Variants in SGCG observed in about 807,000 individuals in gnomAD.
The protein encoded by SGCG is gamma-sarcoglycan.
In SGCG, 26 loss-of-function variants were observed where a neutral mutation model predicts 29.3. The ratio of observed to expected loss-of-function variants is 0.89; its 90% CI spans 0.65 to 1.23. The LOEUF (loss-of-function observed/expected upper bound fraction) is 1.23. SGCG is among the 50% of genes most tolerant of loss of function. The probability of loss-of-function intolerance (pLI) is 0.00; values close to 1 mark genes in which losing one functional copy is unlikely to be tolerated. For synonymous variants in SGCG, 145 were observed against 129.7 expected (o/e 1.12, Z -0.80); for missense variants, 353 against 356.0 (o/e 0.99, Z 0.07).
chr13:23,293,030 A>G (rs1395021689), intron 5 of SGCG, among the ~76,000 whole-genome samples: 1 of 152,216 alleles, frequency 6.6e-6, no homozygotes, highest in East Asian at 1.9e-4. Context: ...CAAGCAGGAA[A>G]TGTTGTCAAC....
chr13:23,202,011 T>G (rs768757121), intron 1 of SGCG, among the ~76,000 whole-genome samples: 3 of 152,210 alleles, frequency 2.0e-5, no homozygotes, highest in Non-Finnish European at 2.9e-5. Context: ...GCATGTGTGC[T>G]GCTACTGAAA....
chr13:23,221,266 G>C (rs193144584), intron 2 of SGCG, among the ~76,000 whole-genome samples: 1 of 152,138 alleles, frequency 6.6e-6, no homozygotes, highest in Admixed American at 6.5e-5. Context: ...AAATGGGTTT[G>C]ATATAATTAT....
intron 5 of SGCG, among the ~76,000 whole-genome samples, chr13:23,279,709 C>CCCTTCCTTCCTTCCTT (rs146797198): frequency 1.4e-4 from 21 of 148,142 alleles, no homozygotes; most frequent in African/African-American, 3.9e-4. Context: ...TACCCTTTGT[C>CCCTTCCTTCCTTCCTT]CCTTCCTTCC....
intron 3 of SGCG, chr13:23,244,606 A>C (rs1479160943): frequency 6.6e-6 from 1 of 152,188 alleles, no homozygotes; most frequent in Non-Finnish European, 1.5e-5. Flanking sequence ...CAGTGCGCAC[A>C]AGCACTGTAA....
chr13:23,168,348 A>C, the SGCG span, among the ~76,000 whole-genome samples: 1 of 152,206 alleles, frequency 6.6e-6, no homozygotes, highest in Non-Finnish European at 1.5e-5. Flanking sequence ...ATTTTCATAC[A>C]TACTGGCTGT....
intron 6 of SGCG, among the ~76,000 whole-genome samples, chr13:23,298,020 C>G (rs1261713711): frequency 6.7e-6 from 1 of 150,312 alleles, no homozygotes; most frequent in African/African-American, 2.4e-5. Flanking sequence ...GCTGGGATTA[C>G]AGGCATGAGC....
chr13:23,286,833 G>A (rs1881514842), intron 5 of SGCG, among the ~76,000 whole-genome samples: 1 of 152,196 alleles, frequency 6.6e-6, no homozygotes, highest in Non-Finnish European at 1.5e-5. Context: ...GATGACCCGA[G>A]GTGAATGATA....
chr13:23,279,244 A>G (rs1881207738), intron 4 of SGCG, 115 bp from the exon 5 acceptor site: 1 of 989,680 alleles, frequency 1.0e-6, no homozygotes, highest in Non-Finnish European at 1.6e-6. Context: ...TAATGGTAAC[A>G]AATACCAAGT....
intron 6 of SGCG, among the ~76,000 whole-genome samples, chr13:23,317,133 T>C (rs1882846410): frequency 6.6e-6 from 1 of 151,394 alleles, no homozygotes; most frequent in African/African-American, 2.4e-5. Context: ...AGGCAGAGCT[T>C]GTAGTGAGCC....
the SGCG span, among the ~76,000 whole-genome samples, chr13:23,164,595 C>T: frequency 6.6e-6 from 1 of 152,138 alleles, no homozygotes; most frequent in Admixed American, 6.5e-5. Flanking sequence ...ATCTGCTTCT[C>T]GTGAGGGCTC....
intron 2 of SGCG, among the ~76,000 whole-genome samples, chr13:23,220,425 G>A (rs969539466): frequency 7.2e-5 from 11 of 152,080 alleles, no homozygotes; most frequent in African/African-American, 2.7e-4. Flanking sequence ...GCTCCAGCCT[G>A]GGCAACGAGC....
upstream of SGCG, among the ~76,000 whole-genome samples, chr13:23,177,677 T>C (rs1015528739): frequency 1.3e-5 from 2 of 149,588 alleles, no homozygotes; most frequent in Admixed American, 6.7e-5. Flanking sequence ...GTTCAAGCGA[T>C]TGTCCTGCCT....
chr13:23,255,614 G>C (rs77566691), intron 4 of SGCG, among the ~76,000 whole-genome samples: 4,240 of 152,214 alleles, frequency 0.028, 85 homozygotes, highest in Non-Finnish European at 0.033. Flanking sequence ...GGAGGTGTTT[G>C]GGTCATACAG....
intron 3 of SGCG, among the ~76,000 whole-genome samples, chr13:23,243,227 G>A (rs9580583): frequency 0.1 from 15,588 of 152,176 alleles, 990 homozygotes; most frequent in Middle Eastern, 0.14. Context: ...GCTGGAGGGG[G>A]CAGCTGCAGC....
intron 4 of SGCG, among the ~76,000 whole-genome samples, chr13:23,274,497 G>A (rs1880994880): frequency 7.0e-6 from 1 of 141,870 alleles, no homozygotes; most frequent in South Asian, 2.3e-4. Context: ...CCACCCCCCA[G>A]GTGCAAGCTC....
At chr13:23,169,528 A>T in the SGCG span, among the ~76,000 whole-genome samples, 3 of 151,862 alleles carry the variant, frequency 2.0e-5, no homozygotes, top group Non-Finnish European at 4.4e-5. Flanking sequence ...AAAATACAAA[A>T]ATTAGTTGGG....
intron 2 of SGCG, among the ~76,000 whole-genome samples, chr13:23,206,709 C>A (rs1242692148): frequency 6.6e-6 from 1 of 151,952 alleles, no homozygotes; most frequent in African/African-American, 2.4e-5. Flanking sequence ...GAAAACAATG[C>A]CATTTTCAAT....
At chr13:23,180,638 T>C (rs1371894521), upstream of SGCG, among the ~76,000 whole-genome samples, 1 of 152,248 alleles carries the variant, frequency 6.6e-6, no homozygotes, top group Non-Finnish European at 1.5e-5. Flanking sequence ...AAACCAGTCT[T>C]AGAAGTTTTC....
intron 4 of SGCG, among the ~76,000 whole-genome samples, chr13:23,256,383 AC>A (rs748987897): frequency 5.9e-5 from 9 of 151,992 alleles, no homozygotes; most frequent in Non-Finnish European, 1.3e-4. Context: ...AACATGAAAA[AC>A]TTTTTTTTAT....
Sources: allele counts gnomAD v4.1 joint callset (sites outside exome capture counted in the v4.1 genomes callset), GRCh38; gene constraint gnomAD v4.1.1; transcripts MANE v1.5; gene names NCBI Gene and HGNC (gene_info 2026-07-23, HGNC 2026-07-21).